The following DIPK2B variants were observed in gnomAD, a reference collection of about 807,000 sequenced individuals.
The protein encoded by DIPK2B is divergent protein kinase domain 2B.
DIPK2B carries 15 observed loss-of-function variants against 22.2 expected under a neutral mutation model. The observed-to-expected ratio is 0.68, with a 90% confidence interval of 0.45 to 1.04. The LOEUF (loss-of-function observed/expected upper bound fraction) is 1.04. Among genes scored for constraint, DIPK2B ranks in the 50% least tolerant of loss-of-function variants. The pLI, the probability that DIPK2B is intolerant of heterozygous loss-of-function variation, is 0.00. For synonymous variants in DIPK2B, 163 were observed against 153.2 expected (o/e 1.06, Z -0.47); for missense variants, 345 against 348.3 (o/e 0.99, Z 0.08).
Position 45,181,577 on chromosome X carries a change from A to G in DIPK2B, c.498+10174T>C, listed in dbSNP as rs1232252799. 3.6e-4 allele frequency among the ~76,000 whole-genome samples: 40 copies of G among 111,982 alleles called. No homozygotes were observed. The Admixed American group carries it at 3.8e-3, about 11-fold the overall frequency. Reference sequence around the variant, plus strand: ...CTCATGTATAGTCATCTGATTTCTCACAAACACTCTACTGAAATTCAGTGA... The same window carrying G: ...CTCATGTATAGTCATCTGATTTCTCGCAAACACTCTACTGAAATTCAGTGA... On this transcript the variant is annotated intron_variant, in intron 2 of 4. Coordinates refer to ENST00000398000, the MANE Select transcript of DIPK2B (RefSeq NM_176819.4).
intron 2 of DIPK2B, among the ~76,000 whole-genome samples, chrX:45,158,883 C>T (rs2047009143): frequency 8.9e-6 from 1 of 112,058 alleles, no homozygotes; most frequent in African/African-American, 3.2e-5. Flanking sequence ...TATTATGAAC[C>T]TCATTGTGCA....
chrX:45,188,987 G>T (rs1279595535), intron 2 of DIPK2B, among the ~76,000 whole-genome samples: 1 of 112,045 alleles, frequency 8.9e-6, no homozygotes, highest in Non-Finnish European at 1.9e-5. Flanking sequence ...CCATTCATTG[G>T]TTGACGAACA....
chrX:45,171,177 G>T (rs762407126), intron 2 of DIPK2B, among the ~76,000 whole-genome samples: 1 of 110,747 alleles, frequency 9.0e-6, no homozygotes, highest in Non-Finnish European at 1.9e-5. Flanking sequence ...GGACATCATC[G>T]GGCTTATGGC....
At chrX:45,161,610 A>G (rs1414543395) in intron 2 of DIPK2B, among the ~76,000 whole-genome samples, 1 of 112,809 alleles carries the variant, frequency 8.9e-6, no homozygotes, top group Non-Finnish European at 1.9e-5. Context: ...CATGCAACTG[A>G]ACTTAATCCT....
intron 2 of DIPK2B, among the ~76,000 whole-genome samples, chrX:45,159,377 T>C (rs992302972): frequency 8.9e-6 from 1 of 111,953 alleles, no homozygotes; most frequent in East Asian, 2.8e-4. Flanking sequence ...ATGGTAATAC[T>C]GAGATGTAGA....
At chrX:45,167,810 G>A (rs1042988861) in intron 2 of DIPK2B, among the ~76,000 whole-genome samples, 7 of 111,332 alleles carry the variant, frequency 6.3e-5, no homozygotes, top group African/African-American at 1.3e-4. Flanking sequence ...TCAGCCTCCC[G>A]ACTAGCTAGG....
intron 1 of DIPK2B, among the ~76,000 whole-genome samples, chrX:45,194,738 A>AAAG (rs2047230092): frequency 8.9e-6 from 1 of 112,006 alleles, no homozygotes; most frequent in African/African-American, 3.2e-5. Context: ...AGAGAATTGA[A>AAAG]AAGGATGAGA....
In DIPK2B at chrX:45,149,172, C is replaced by G. The variant is rs952020719; in HGVS notation, c.*2480G>C. 2 of 112,559 alleles carry G rather than the reference C, an allele frequency of 1.8e-5. No homozygotes were observed. Among genetic ancestry groups the G allele is most frequent in the African/African-American group, 6.5e-5 (2 of 30,907 alleles). 9.3% of individuals were successfully genotyped at this position (112,559 alleles called of 1,213,427 possible). ...GGAGGCATTTTGCGGTGGAAACACA[C>G]CTGGATGCAGGGAGAAGGGCTGGGG... On this transcript the variant is annotated 3_prime_UTR_variant, in exon 5 of 5. Coordinates refer to ENST00000398000, the MANE Select transcript of DIPK2B (RefSeq NM_176819.4).
intron 2 of DIPK2B, among the ~76,000 whole-genome samples, chrX:45,158,960 T>C (rs1409241703): frequency 8.1e-5 from 9 of 111,447 alleles, no homozygotes; most frequent in Non-Finnish European, 1.7e-4. Context: ...TTGAACCCAA[T>C]GGGTTAGACT....
intron 2 of DIPK2B, among the ~76,000 whole-genome samples, chrX:45,171,889 G>A (rs757034998): frequency 8.9e-6 from 1 of 112,615 alleles, no homozygotes; most frequent in Admixed American, 9.3e-5. Flanking sequence ...GTACCTAAGA[G>A]ATCTTTAATA....
chrX:45,179,538 T>C (rs1473697603), intron 2 of DIPK2B, among the ~76,000 whole-genome samples: 1 of 110,752 alleles, frequency 9.0e-6, no homozygotes, highest in Admixed American at 9.7e-5. Flanking sequence ...ACAAAATGAA[T>C]GAAAAAGGGA....
intron 1 of DIPK2B, among the ~76,000 whole-genome samples, chrX:45,193,379 T>C (rs2148350998): frequency 8.9e-6 from 1 of 112,388 alleles, no homozygotes; most frequent in Admixed American, 9.4e-5. Flanking sequence ...TTTTGGATAA[T>C]GCGTTTTGGA....
intron 2 of DIPK2B, chrX:45,162,527 G>A (rs2047027254): frequency 2.0e-5 from 15 of 754,274 alleles, no homozygotes; most frequent in Non-Finnish European, 2.3e-5. Flanking sequence ...TGCTGGCCAT[G>A]TGCAAACCCA....
At chrX:45,183,629 A>G (rs1468092066) in intron 2 of DIPK2B, among the ~76,000 whole-genome samples, 1 of 111,009 alleles carries the variant, frequency 9.0e-6, no homozygotes. Context: ...CAGACTAACA[A>G]CTTTTTTTTC....
chrX:45,149,148 G>A lies in DIPK2B; in HGVS notation c.*2504C>T, dbSNP rs2046948116. The A allele has an allele frequency of 2.7e-5, 3 of 112,645 alleles. No individual in the cohort carries two copies. The highest frequency in any genetic ancestry group is 9.7e-5 in the African/African-American group (3 of 30,988). 9.3% of individuals were successfully genotyped at this position (112,645 alleles called of 1,213,427 possible). A position where few individuals can be genotyped will look rare whatever the true frequency, so the allele number is the denominator to read the frequency against. On this transcript the variant is annotated 3_prime_UTR_variant, in exon 5 of 5. Transcript: ENST00000398000. ...CAGGGCCAAAGTCGCTCATTGTGTG[G>A]AGGCATTTTGCGGTGGAAACACACC...
At chrX:45,167,480 A>G (rs184352366) in intron 2 of DIPK2B, among the ~76,000 whole-genome samples, 2 of 105,560 alleles carry the variant, frequency 1.9e-5, no homozygotes, top group East Asian at 6.1e-4. Context: ...CCTGGGCAAC[A>G]AAACAAGACT....
chrX:45,155,433 T>A (rs183796811), intron 3 of DIPK2B, among the ~76,000 whole-genome samples: 6,702 of 95,170 alleles, frequency 0.07, 225 homozygotes, highest in African/African-American at 0.094. Flanking sequence ...AAAAAAAAAA[T>A]ATATATATAT....
At chrX:45,167,737 T>G (rs1381601901) in intron 2 of DIPK2B, among the ~76,000 whole-genome samples, 1 of 110,287 alleles carries the variant, frequency 9.1e-6, no homozygotes, top group East Asian at 2.8e-4. Flanking sequence ...CAGGCTGGAG[T>G]GCAGTGGTGT....
chrX:45,188,348 GA>G (rs2047194783), intron 2 of DIPK2B, among the ~76,000 whole-genome samples: 1 of 111,678 alleles, frequency 9.0e-6, no homozygotes, highest in African/African-American at 3.3e-5. Flanking sequence ...AAGAATGCAA[GA>G]ATATATTAGG....
Sources: allele counts gnomAD v4.1 joint callset (sites outside exome capture counted in the v4.1 genomes callset), GRCh38; gene constraint gnomAD v4.1.1; transcripts MANE v1.5; gene names NCBI Gene and HGNC (gene_info 2026-07-23, HGNC 2026-07-21).